Variants in TTLL5 observed in about 807,000 individuals in gnomAD.
TTLL5 encodes the protein tubulin tyrosine ligase like 5.
A neutral mutation model predicts 168.4 loss-of-function variants in TTLL5; 132 were observed. That is an observed-to-expected ratio of 0.78 (90% confidence interval 0.68 to 0.91). TTLL5 has a LOEUF of 0.91. TTLL5 is among the 40% of genes least tolerant of loss of function. The pLI, the probability that TTLL5 is intolerant of heterozygous loss-of-function variation, is 0.00. For missense variants in TTLL5, 1,545 were observed against 1,581.5 expected, an observed-to-expected ratio of 0.98 and a Z score of 0.39; for synonymous variants, 546 against 558.6, an observed-to-expected ratio of 0.98 and a Z score of 0.32.
intron 29 of TTLL5, among the ~76,000 whole-genome samples, chr14:75,867,850 A>G (rs2030655448): frequency 6.6e-6 from 1 of 151,944 alleles, no homozygotes. Flanking sequence ...AATCTGTTAT[A>G]TATTGATACA....
At chr14:75,740,058 C>T (rs1159954582) in intron 15 of TTLL5, among the ~76,000 whole-genome samples, 1 of 152,164 alleles carries the variant, frequency 6.6e-6, no homozygotes, top group East Asian at 1.9e-4. Flanking sequence ...ATTTATCTTG[C>T]AGTTACACTG....
rs771955076 is a variant in TTLL5 at position 75,764,733 on chromosome 14, C to T, written c.1669C>T (p.Arg557Trp). ...LSLEVRKRRR[R>W]SSRLRAMRPK... is the part of the protein sequence containing the mutation. ...TCTGGAGGTGCGAAAACGTAGACGA[C>T]GGAGTAGCAGATTGAGGGCAATGAG... Residue 557 changes from arginine to tryptophan, a missense_variant, in exon 19 of 32, where the codon CGG (arginine) becomes TGG (tryptophan). Arg to Trp is a moderately radical substitution (Grantham distance 101, BLOSUM62 -3). Transcript: ENST00000298832. 1.4e-5 allele frequency: 23 copies of T among 1,614,118 alleles called. No homozygotes were observed. The highest frequency in any genetic ancestry group is 1.6e-4 in the Middle Eastern group (1 of 6,062).
At chr14:75,697,515 C>T (rs927675690) in intron 6 of TTLL5, among the ~76,000 whole-genome samples, 10 of 152,122 alleles carry the variant, frequency 6.6e-5, no homozygotes, top group Admixed American at 5.2e-4. Context: ...TTCTTTCCTC[C>T]TGCTGAAATG....
intron 31 of TTLL5, among the ~76,000 whole-genome samples, chr14:75,951,924 A>T (rs1400806397): frequency 1.3e-5 from 2 of 152,230 alleles, no homozygotes; most frequent in Non-Finnish European, 2.9e-5. Flanking sequence ...ACAAAAGAAG[A>T]AAATAGACAA....
At chr14:75,912,794 G>C (rs2033443787) in intron 31 of TTLL5, among the ~76,000 whole-genome samples, 1 of 152,192 alleles carries the variant, frequency 6.6e-6, no homozygotes. Flanking sequence ...ATAGTCAATA[G>C]TAGCTTCTCA....
intron 31 of TTLL5, among the ~76,000 whole-genome samples, chr14:75,912,569 G>A (rs535507028): frequency 1.8e-4 from 27 of 152,266 alleles, no homozygotes; most frequent in African/African-American, 5.3e-4. Context: ...ACTTATTGTC[G>A]TTGAGGTGAA....
At position 75,882,733 on chromosome 14, in the gene TTLL5, A is replaced by G; in HGVS notation, c.3571A>G (p.Asn1191Asp). ...ACCTAACTCCAATTTATGGACAATG[A>G]ATAATGGTGCAGGTTGTAGAATTTC... ...TLPNSNLWTM[N>D]NGAGCRISSA... The change falls in exon 30 of 32, where the codon AAT (asparagine) becomes GAT (aspartate). Residue 1191 changes from asparagine to aspartate, a missense_variant. Coordinates refer to ENST00000298832, the MANE Select transcript of TTLL5 (RefSeq NM_015072.5). 8.1e-6 allele frequency: 13 copies of G among 1,613,986 alleles called. No homozygotes were observed. Among genetic ancestry groups the G allele is most frequent in the Non-Finnish European group, 1.0e-5 (12 of 1,179,986 alleles).
intron 18 of TTLL5, among the ~76,000 whole-genome samples, chr14:75,764,296 A>G (rs1041568225): frequency 2.0e-5 from 3 of 152,238 alleles, no homozygotes; most frequent in African/African-American, 7.2e-5. Flanking sequence ...TTTAAGGTAT[A>G]AAGTATTTTA....
Position 75,720,838 on chromosome 14 carries a change from T to C in TTLL5, c.1042+135T>C, listed in dbSNP as rs1225821261. 14 of 741,902 alleles carry C rather than the reference T, an allele frequency of 1.9e-5. 1 individual carries two copies. The highest frequency in any genetic ancestry group is 2.5e-5 in the Non-Finnish European group (11 of 436,338). The allele number at this position is 741,902 out of a possible 1,614,324, so 46.0% of individuals were successfully genotyped here. A position where few individuals can be genotyped will look rare whatever the true frequency, so the allele number is the denominator to read the frequency against. The stretch of plus-strand genomic sequence containing the variant: ...ATGGACTCTTCTTTCTAAGCTCATG[T>C]AGCATATGAAGAGCCTACTAAGAGG... On this transcript the variant is annotated intron_variant, in intron 12 of 31. Coordinates refer to ENST00000298832, the MANE Select transcript of TTLL5 (RefSeq NM_015072.5).
At chr14:75,941,181 G>A (rs2034591120) in intron 31 of TTLL5, among the ~76,000 whole-genome samples, 1 of 152,212 alleles carries the variant, frequency 6.6e-6, no homozygotes, top group African/African-American at 2.4e-5. Context: ...AGTTCCTTGG[G>A]CTGTCTTTGC....
At chr14:75,808,779 T>C (rs1332898929) in intron 27 of TTLL5, among the ~76,000 whole-genome samples, 1 of 152,048 alleles carries the variant, frequency 6.6e-6, no homozygotes, top group East Asian at 1.9e-4. Flanking sequence ...AGTCATATTC[T>C]TTTTTTCTTA....
intron 30 of TTLL5, among the ~76,000 whole-genome samples, chr14:75,884,472 G>T (rs961561481): frequency 2.0e-5 from 3 of 152,216 alleles, no homozygotes; most frequent in African/African-American, 7.2e-5. Context: ...CAGCTCTTTG[G>T]ACAGACTTTG....
intron 20 of TTLL5, among the ~76,000 whole-genome samples, chr14:75,770,317 C>G (rs1891227295): frequency 6.6e-6 from 1 of 151,938 alleles, no homozygotes; most frequent in African/African-American, 2.4e-5. Context: ...GTATTAAACT[C>G]TCAAAAGCAA....
At chr14:75,910,031 T>G (rs891624624) in intron 31 of TTLL5, among the ~76,000 whole-genome samples, 3 of 152,204 alleles carry the variant, frequency 2.0e-5, no homozygotes, top group Non-Finnish European at 4.4e-5. Context: ...CTTCTAAGAA[T>G]CTATCCAAAA....
intron 7 of TTLL5, among the ~76,000 whole-genome samples, chr14:75,706,714 A>G (rs1886682658): frequency 2.0e-5 from 3 of 151,944 alleles, no homozygotes. Flanking sequence ...TAACTATTTA[A>G]TATCATGTAT....
intron 29 of TTLL5, among the ~76,000 whole-genome samples, chr14:75,865,020 T>G (rs1170907733): frequency 6.6e-6 from 1 of 152,202 alleles, no homozygotes; most frequent in Admixed American, 6.5e-5. Context: ...TTATATTAAT[T>G]CATCATAATT....
chr14:75,674,940 A>G (rs1009750643), intron 3 of TTLL5, among the ~76,000 whole-genome samples: 3 of 152,106 alleles, frequency 2.0e-5, no homozygotes, highest in African/African-American at 7.2e-5. Flanking sequence ...AATATTTTAT[A>G]TCTAGTATAT....
chr14:75,707,824 C>A, intron 9 of TTLL5, 117 bp downstream of exon 9: 2 of 886,938 alleles, frequency 2.3e-6, no homozygotes, highest in Non-Finnish European at 3.6e-6. Context: ...CTTGTCATTA[C>A]TGCTTACAGA....
chr14:75,827,909 G>A (rs1486161463), intron 28 of TTLL5, among the ~76,000 whole-genome samples: 7 of 151,168 alleles, frequency 4.6e-5, no homozygotes, highest in Admixed American at 4.6e-4. Flanking sequence ...GTAGAGAGGG[G>A]GTTTCACCAT....
Sources: gnomAD v4.1 joint callset for allele counts (sites outside exome capture counted in the v4.1 genomes callset) on GRCh38, gnomAD v4.1.1 for gene constraint, MANE v1.5 for transcripts, NCBI Gene and HGNC (gene_info 2026-07-23, HGNC 2026-07-21) for gene names.